The following SAMD4A variants were observed in gnomAD, a reference collection of about 807,000 sequenced individuals.
SAMD4A encodes protein Smaug homolog 1.
SAMD4A carries 33 observed loss-of-function variants against 81.3 expected under a neutral mutation model. That is an observed-to-expected ratio of 0.41 (90% CI 0.31 to 0.54). The LOEUF (loss-of-function observed/expected upper bound fraction) is 0.54. SAMD4A is among the 20% of genes least tolerant of loss of function. The probability of loss-of-function intolerance (pLI) is 0.37; values close to 1 mark genes in which losing one functional copy is unlikely to be tolerated. For missense variants in SAMD4A, 854 were observed against 951.1 expected, an observed-to-expected ratio of 0.90 and a Z score of 1.34; for synonymous variants, 389 against 382.1, an observed-to-expected ratio of 1.02 and a Z score of -0.21.
In SAMD4A at chr14:54,764,554, G is replaced by C; in HGVS notation, c.1596+14G>C. 1 of 1,564,666 alleles carries C rather than the reference G, an allele frequency of 6.4e-7. No homozygotes were observed. The highest frequency in any genetic ancestry group is 1.4e-5 in the African/African-American group (1 of 72,676). ...CTAATTCATGAGGTGAGTAGTGACAGGTTTTACAAAACCATTTTTTTTTTA... is the reference window on the plus strand; with the variant it reads ...CTAATTCATGAGGTGAGTAGTGACACGTTTTACAAAACCATTTTTTTTTTA... On this transcript the variant is annotated intron_variant, in intron 8 of 12. Transcript: ENST00000554335.
chr14:54,624,242 G>T (rs538835303), intron 2 of SAMD4A, among the ~76,000 whole-genome samples: 18 of 152,178 alleles, frequency 1.2e-4, no homozygotes, highest in Non-Finnish European at 1.8e-4. Context: ...CAAAGTGCTG[G>T]GATTACAGGC....
intron 12 of SAMD4A, among the ~76,000 whole-genome samples, chr14:54,788,042 T>G (rs2039184696): frequency 6.6e-6 from 1 of 151,902 alleles, no homozygotes. Flanking sequence ...GTCATCCACT[T>G]CTCCAAAACG....
intron 2 of SAMD4A, among the ~76,000 whole-genome samples, chr14:54,597,105 T>TG (rs2033929528): frequency 7.6e-6 from 1 of 130,970 alleles, no homozygotes; most frequent in African/African-American, 3.3e-5. Context: ...TCTGAGTTTC[T>TG]TTTTTTTTTT....
At position 54,568,057 on chromosome 14, in the gene SAMD4A, C is replaced by G; in HGVS notation, c.141C>G (p.His47Gln). The change falls in exon 2 of 13, where the codon CAC becomes CAG. Residue 47 changes from histidine (H) to glutamine (Q), a missense_variant. His to Gln is a conservative substitution (Grantham distance 24). Coordinates refer to ENST00000554335, the MANE Select transcript of SAMD4A (RefSeq NM_015589.6). ...GCTTCCTCCAGCTCTGCCTGGAGCA[C>G]TCGCTGGCCGACTGCGCCGAGCTGC... ...QARFLQLCLE[H>Q]SLADCAELHV... The G allele has an allele frequency of 1.3e-6, 2 of 1,594,156 alleles. No individual in the cohort carries two copies. Among genetic ancestry groups the G allele is most frequent in the Non-Finnish European group, 1.7e-6 (2 of 1,176,456 alleles).
At chr14:54,749,962 G>A (rs2038060866) in intron 5 of SAMD4A, among the ~76,000 whole-genome samples, 1 of 152,184 alleles carries the variant, frequency 6.6e-6, no homozygotes, top group Admixed American at 6.5e-5. Context: ...CCAATATGGA[G>A]ACACAACACA....
intron 2 of SAMD4A, among the ~76,000 whole-genome samples, chr14:54,614,815 C>T (rs973273613): frequency 6.6e-6 from 1 of 152,120 alleles, no homozygotes; most frequent in South Asian, 2.1e-4. Context: ...ACTGTTTTCT[C>T]CCGATTTAGA....
At chr14:54,714,242 G>A (rs2037062973) in intron 3 of SAMD4A, among the ~76,000 whole-genome samples, 1 of 152,076 alleles carries the variant, frequency 6.6e-6, no homozygotes, top group Non-Finnish European at 1.5e-5. Context: ...GGAATTTAAA[G>A]GCATTTGCAA....
chr14:54,606,813 T>G (rs908584213), intron 2 of SAMD4A, among the ~76,000 whole-genome samples: 8 of 152,248 alleles, frequency 5.3e-5, no homozygotes, highest in African/African-American at 1.7e-4. Flanking sequence ...ATCTACAGAT[T>G]GCCTGTCTTA....
At chr14:54,577,197 C>G (rs2033324964) in intron 2 of SAMD4A, among the ~76,000 whole-genome samples, 1 of 152,224 alleles carries the variant, frequency 6.6e-6, no homozygotes, top group Admixed American at 6.5e-5. Context: ...ATTCCCCTCT[C>G]CCTTGGCCAA....
intron 2 of SAMD4A, among the ~76,000 whole-genome samples, chr14:54,678,773 C>T (rs954578038): frequency 2.6e-5 from 4 of 152,136 alleles, no homozygotes; most frequent in Non-Finnish European, 5.9e-5. Flanking sequence ...TGGTCTCGAT[C>T]TCCTGACCTC....
intron 2 of SAMD4A, among the ~76,000 whole-genome samples, chr14:54,670,253 C>T (rs916574672): frequency 9.9e-5 from 15 of 152,162 alleles, no homozygotes. Flanking sequence ...TGTTCCTAGG[C>T]ATTAAGGACT....
At chr14:54,609,444 A>G (rs1247858773) in intron 2 of SAMD4A, among the ~76,000 whole-genome samples, 1 of 152,236 alleles carries the variant, frequency 6.6e-6, no homozygotes, top group African/African-American at 2.4e-5. Context: ...TCAGAACTGT[A>G]AGATAATAAA....
At chr14:54,690,927 A>G (rs1339641494) in intron 2 of SAMD4A, among the ~76,000 whole-genome samples, 5 of 152,106 alleles carry the variant, frequency 3.3e-5, no homozygotes, top group African/African-American at 1.2e-4. Flanking sequence ...CTCCCTGGAC[A>G]TAGGGGCCCC....
chr14:54,611,110 G>A (rs1048398221), intron 2 of SAMD4A, among the ~76,000 whole-genome samples: 2 of 151,986 alleles, frequency 1.3e-5, no homozygotes, highest in Non-Finnish European at 1.5e-5. Context: ...TTTATAAAAG[G>A]AAGCCTTTGA....
rs2038794575 is a variant in SAMD4A, at chr14:54,774,796, A to G, written c.1716-138A>G. ...ACTACTGCACTCCAACCTGGGTAAC[A>G]GAGTGAGACCCTGACTCAAAAAAAA... On this transcript the variant is annotated intron_variant, in intron 9 of 12. Coordinates refer to ENST00000554335, the MANE Select transcript of SAMD4A (RefSeq NM_015589.6). 8 of 794,188 alleles carry G rather than the reference A, an allele frequency of 1.0e-5. No individual in the cohort carries two copies. The South Asian group carries it at 1.5e-4, about 15-fold the overall frequency. The allele number at this position is 794,188 out of a possible 1,614,324, so 49.2% of individuals were successfully genotyped here.
chr14:54,575,375 A>G (rs2033258509), intron 2 of SAMD4A, among the ~76,000 whole-genome samples: 1 of 152,192 alleles, frequency 6.6e-6, no homozygotes, highest in South Asian at 2.1e-4. Flanking sequence ...GTGGTTTCCT[A>G]TAATAAGATG....
At chr14:54,568,298 T>C (rs1242808380) in intron 2 of SAMD4A, among the ~76,000 whole-genome samples, 186 bp downstream of exon 2, 1 of 145,992 alleles carries the variant, frequency 6.8e-6, no homozygotes, top group Non-Finnish European at 1.5e-5. Flanking sequence ...CCCACCTACT[T>C]ACCTCCGCCG....
intron 2 of SAMD4A, among the ~76,000 whole-genome samples, chr14:54,580,037 A>G (rs2033419075): frequency 1.3e-5 from 2 of 152,222 alleles, no homozygotes; most frequent in African/African-American, 4.8e-5. Context: ...TTCATTTACT[A>G]GCAACATGCA....
chr14:54,775,133 C>T lies in SAMD4A; in HGVS notation c.1915C>T (p.Gln639Ter), dbSNP rs1351012920. ...CCCCACCATCATGAAACAAGGAAGA[C>T]AGGTTTGTTCTGCCCCAAGGAAGGA... ...ATPTIMKQGRQNLWFANPGGS... is the reference protein window; with the variant it reads ...ATPTIMKQGR Residue 639 changes from glutamine to a stop codon, truncating the protein, a stop_gained and splice_region_variant, in exon 10 of 13, where the codon CAG becomes TAG. Transcript: ENST00000554335. LOFTEE classifies it high-confidence loss of function. 1 of 1,614,212 alleles carries T rather than the reference C, an allele frequency of 6.2e-7. No homozygotes were observed. Among genetic ancestry groups the T allele is most frequent in the Non-Finnish European group, 8.5e-7 (1 of 1,180,028 alleles).
Sources: gnomAD v4.1 joint callset for allele counts (sites outside exome capture counted in the v4.1 genomes callset) on GRCh38, gnomAD v4.1.1 for gene constraint, MANE v1.5 for transcripts, NCBI Gene and HGNC (gene_info 2026-07-23, HGNC 2026-07-21) for gene names.